DNM3: variants seen among roughly 807,000 people sequenced by gnomAD.
The protein encoded by DNM3 is dynamin-3.
In DNM3, 47 loss-of-function variants were observed where a neutral mutation model predicts 101.6. The ratio of observed to expected loss-of-function variants is 0.46; its 90% CI spans 0.37 to 0.59. The LOEUF (loss-of-function observed/expected upper bound fraction) is 0.59. Among genes scored for constraint, DNM3 ranks in the 20% least tolerant of loss-of-function variants. DNM3 has a pLI of 0.00. For missense variants in DNM3, 849 were observed against 1,085.7 expected, an observed-to-expected ratio of 0.78 and a Z score of 3.06; for synonymous variants, 385 against 387.9, an observed-to-expected ratio of 0.99 and a Z score of 0.09.
chr1:172,359,906 A>T (rs900959406), intron 17 of DNM3, among the ~76,000 whole-genome samples: 5 of 151,972 alleles, frequency 3.3e-5, no homozygotes, highest in South Asian at 2.1e-4. Flanking sequence ...GCTCCACATG[A>T]CTGGATTCCT....
At chr1:172,161,930 T>C (rs1322363591) in intron 14 of DNM3, among the ~76,000 whole-genome samples, 1 of 152,030 alleles carries the variant, frequency 6.6e-6, no homozygotes, top group Non-Finnish European at 1.5e-5. Flanking sequence ...TAAAATGAGA[T>C]TTATCCGTTG....
rs1466996494 is a variant in DNM3, at chr1:172,411,513, A to AGTC, written c.*3673_*3675dup. On this transcript the variant is annotated 3_prime_UTR_variant, in exon 21 of 21. Coordinates refer to ENST00000627582, the MANE Select transcript of DNM3 (RefSeq NM_015569.5). ...CTTAAAAAGCCAAGTTGATATACAT[A>AGTC]GTCATTTTTCCTCTATGGTAGAAGT... The AGTC allele has an allele frequency of 1.0e-6, 1 of 983,518 alleles. No homozygotes were observed. The highest frequency in any genetic ancestry group is 1.2e-6 in the Non-Finnish European group (1 of 828,934). 60.9% of individuals were successfully genotyped at this position (983,518 alleles called of 1,614,324 possible). A position where few individuals can be genotyped will look rare whatever the true frequency, so the allele number is the denominator to read the frequency against.
At chr1:172,220,163 G>A (rs757780877) in intron 14 of DNM3, among the ~76,000 whole-genome samples, 1 of 152,104 alleles carries the variant, frequency 6.6e-6, no homozygotes, top group Non-Finnish European at 1.5e-5. Flanking sequence ...GAAGAGAAAG[G>A]GTTGTTTGCT....
At chr1:171,995,434 T>C (rs1312898782) in intron 4 of DNM3, among the ~76,000 whole-genome samples, 1 of 151,844 alleles carries the variant, frequency 6.6e-6, no homozygotes, top group Non-Finnish European at 1.5e-5. Context: ...TTTTTGAATA[T>C]TTACTCCTCA....
chr1:172,245,218 A>G (rs183385167), intron 14 of DNM3, among the ~76,000 whole-genome samples: 3 of 152,334 alleles, frequency 2.0e-5, no homozygotes, highest in Non-Finnish European at 2.9e-5. Flanking sequence ...CAGGGGAGCA[A>G]GACACATAGA....
chr1:172,322,483 A>G (rs2065763952), intron 16 of DNM3, among the ~76,000 whole-genome samples: 2 of 152,172 alleles, frequency 1.3e-5, no homozygotes, highest in Admixed American at 1.3e-4. Context: ...TATGTGAGTT[A>G]AATTGTTTGA....
chr1:172,185,968 A>G (rs1295323932), intron 14 of DNM3, among the ~76,000 whole-genome samples: 1 of 152,118 alleles, frequency 6.6e-6, no homozygotes, highest in Non-Finnish European at 1.5e-5. Context: ...TATATTTTAC[A>G]TTGTTTTATA....
At chr1:172,393,427 T>C (rs1476501839) in intron 20 of DNM3, 1 of 152,626 alleles carries the variant, frequency 6.6e-6, no homozygotes, top group Non-Finnish European at 1.5e-5. Flanking sequence ...TATGAGTGTG[T>C]CTTTGAATCC....
At chr1:172,176,573 C>G (rs2059160123) in intron 14 of DNM3, among the ~76,000 whole-genome samples, 1 of 151,804 alleles carries the variant, frequency 6.6e-6, no homozygotes, top group Admixed American at 6.6e-5. Context: ...CAGTTCCAGT[C>G]AGGAGCTTGA....
chr1:172,164,326 T>G (rs1366634967), intron 14 of DNM3, among the ~76,000 whole-genome samples: 1 of 150,016 alleles, frequency 6.7e-6, no homozygotes, highest in Non-Finnish European at 1.5e-5. Context: ...CAGGTTAGGG[T>G]GCTATTACTT....
chr1:172,094,947 G>A (rs1204785717), intron 13 of DNM3, among the ~76,000 whole-genome samples: 2 of 152,160 alleles, frequency 1.3e-5, no homozygotes, highest in Non-Finnish European at 2.9e-5. Flanking sequence ...TAGCATATAT[G>A]CATACTTTAG....
At chr1:172,016,734 C>T (rs1327122360) in intron 4 of DNM3, among the ~76,000 whole-genome samples, 2 of 151,996 alleles carry the variant, frequency 1.3e-5, no homozygotes, top group African/African-American at 4.8e-5. Flanking sequence ...CTGGTGCCTT[C>T]TTTTTTGGAA....
intron 14 of DNM3, among the ~76,000 whole-genome samples, chr1:172,173,492 T>TTG (rs1236601382): frequency 1.1e-5 from 1 of 93,576 alleles, no homozygotes; most frequent in Non-Finnish European, 1.9e-5. Flanking sequence ...AAAGAGAGCT[T>TTG]TTTTTTTTTT....
At chr1:171,913,706 C>T (rs2039487786) in intron 1 of DNM3, among the ~76,000 whole-genome samples, 2 of 152,038 alleles carry the variant, frequency 1.3e-5, no homozygotes, top group African/African-American at 4.8e-5. Flanking sequence ...TTTCTTTTGC[C>T]TGTTTCCCTT....
intron 17 of DNM3, among the ~76,000 whole-genome samples, chr1:172,350,316 TTGTGTG>T (rs5778730): frequency 0.31 from 46,397 of 148,028 alleles, 8,405 homozygotes; most frequent in East Asian, 0.57. Flanking sequence ...CCATTTTATC[TTGTGTG>T]TGTGTGTGTG....
At chr1:172,394,388 C>G (rs1400539573) in intron 20 of DNM3, 1 of 152,200 alleles carries the variant, frequency 6.6e-6, no homozygotes, top group Non-Finnish European at 1.5e-5. Context: ...TGTCCCCTAT[C>G]TCACTCTTCC....
chr1:172,008,132 AT>A (rs34083893), intron 4 of DNM3, among the ~76,000 whole-genome samples: 4 of 149,880 alleles, frequency 2.7e-5, no homozygotes, highest in South Asian at 2.1e-4. Flanking sequence ...CAGTTTGCAA[AT>A]TTTTTTTTTC....
At chr1:172,139,190 A>C in intron 14 of DNM3, 1 of 291,996 alleles carries the variant, frequency 3.4e-6, no homozygotes, top group Non-Finnish European at 6.7e-6. Flanking sequence ...TCTTAAGTCC[A>C]ATTCATATTA....
chr1:172,210,285 A>G (rs1234166344), intron 14 of DNM3, among the ~76,000 whole-genome samples: 1 of 148,314 alleles, frequency 6.7e-6, no homozygotes, highest in Non-Finnish European at 1.5e-5. Context: ...GACATCAAAT[A>G]TATAGGTAAT....
Sources: gnomAD v4.1 joint callset for allele counts (sites outside exome capture counted in the v4.1 genomes callset) on GRCh38, gnomAD v4.1.1 for gene constraint, MANE v1.5 for transcripts, NCBI Gene and HGNC (gene_info 2026-07-23, HGNC 2026-07-21) for gene names.